Variants in EML1 observed in about 807,000 individuals in gnomAD.
EML1 encodes EMAP like 1.
Under a neutral mutation model 110.4 loss-of-function variants are expected in EML1, and 27 were observed. The observed-to-expected ratio is 0.24, with a 90% confidence interval of 0.18 to 0.34. EML1 has a LOEUF of 0.34. Ranked by LOEUF, EML1 falls within the 10% of genes least tolerant of loss-of-function variation. The pLI is 1.00. For synonymous variants in EML1, 344 were observed against 385.8 expected (o/e 0.89, Z 1.27); for missense variants, 741 against 1,030.9 (o/e 0.72, Z 3.85).
At chr14:99,848,875 A>T (rs2139823724) in intron 1 of EML1, among the ~76,000 whole-genome samples, 1 of 152,044 alleles carries the variant, frequency 6.6e-6, no homozygotes, top group South Asian at 2.1e-4. Context: ...AGGTGGGAGG[A>T]TCACTTGAGC....
intron 1 of EML1, among the ~76,000 whole-genome samples, chr14:99,776,450 G>T (rs1345868784): frequency 6.6e-6 from 1 of 151,704 alleles, no homozygotes. Flanking sequence ...GTTGCAGTGA[G>T]CTGAGATCGC....
At chr14:99,938,311 T>C (rs891995982) in intron 20 of EML1, among the ~76,000 whole-genome samples, 1 of 152,252 alleles carries the variant, frequency 6.6e-6, no homozygotes, top group African/African-American at 2.4e-5. Context: ...ACATTCACTT[T>C]AGGAATATTT....
intron 1 of EML1, among the ~76,000 whole-genome samples, chr14:99,832,705 A>G (rs765341876): frequency 1.3e-5 from 2 of 152,100 alleles, no homozygotes; most frequent in Non-Finnish European, 2.9e-5. Context: ...TTCGTTTTAA[A>G]ATTGGGTTAT....
In EML1 at chr14:99,827,666, G is replaced by A. The variant is rs888404619; in HGVS notation, c.68-23187G>A. ...GGAGATAAGACTTAGACACATAGAG[G>A]GGGCAACCACCTGAAAGGGAGAAGA... On this transcript the variant is annotated intron_variant, in intron 1 of 21. Coordinates refer to ENST00000262233, the MANE Select transcript of EML1 (RefSeq NM_004434.3). This position sits in a 1 kb window ranked among gnomAD's most constrained non-coding sequence, Gnocchi z 4.4. 1.3e-5 allele frequency among the ~76,000 whole-genome samples: 2 copies of A among 151,698 alleles called. No homozygotes were observed. Among genetic ancestry groups the A allele is most frequent in the African/African-American group, 4.8e-5 (2 of 41,270 alleles).
At chr14:99,918,244 T>C (rs1299670712) in intron 16 of EML1, among the ~76,000 whole-genome samples, 2 of 152,316 alleles carry the variant, frequency 1.3e-5, no homozygotes, top group East Asian at 3.9e-4. Context: ...ACTACAGGCA[T>C]GCACTGCCAT....
At chr14:99,933,421 C>G (rs2060409661) in intron 17 of EML1, among the ~76,000 whole-genome samples, 1 of 152,168 alleles carries the variant, frequency 6.6e-6, no homozygotes, top group Non-Finnish European at 1.5e-5. Flanking sequence ...GGTGATCTGC[C>G]CACCTCAGCC....
intron 1 of EML1, among the ~76,000 whole-genome samples, chr14:99,739,119 A>AGTGTGT (rs71113220): frequency 1.7e-3 from 227 of 134,980 alleles, no homozygotes; most frequent in African/African-American, 5.1e-3. Flanking sequence ...AGAGAGAGAG[A>AGTGTGT]GTGTGTGTGT....
rs569735427 is a variant in EML1 at position 99,907,934 on chromosome 14, C to T, written c.1104+201C>T. ...GTCCTGTTAGGGTTTTTTCTCTTTT[C>T]GCCATGTCTGTAAGATTGTTTTCTT... On this transcript the variant is annotated intron_variant, in intron 10 of 21. Coordinates refer to ENST00000262233, the MANE Select transcript of EML1 (RefSeq NM_004434.3). Among the ~76,000 whole-genome samples, 24 of 152,354 alleles carry T rather than the reference C, an allele frequency of 1.6e-4. 1 individual carries two copies. In the East Asian group the frequency reaches 2.9e-3, roughly 18 times the overall value.
At chr14:99,897,694 G>T (rs2059694796) in intron 7 of EML1, among the ~76,000 whole-genome samples, 1 of 152,122 alleles carries the variant, frequency 6.6e-6, no homozygotes, top group Non-Finnish European at 1.5e-5. Context: ...TGTATTAAAG[G>T]CTTCTAATTT....
intron 1 of EML1, among the ~76,000 whole-genome samples, chr14:99,760,497 C>A (rs2057303737): frequency 6.6e-6 from 1 of 152,172 alleles, no homozygotes; most frequent in South Asian, 2.1e-4. Context: ...GATTACTGTG[C>A]AGGGTGTTTA....
chr14:99,793,091 G>C (rs904576196), upstream of EML1, among the ~76,000 whole-genome samples: 14 of 150,992 alleles, frequency 9.3e-5, no homozygotes, highest in Non-Finnish European at 2.1e-4. Context: ...CAGCCCCTGA[G>C]CCCCCGTGCG....
At chr14:99,903,650 C>G (rs2059795623) in intron 9 of EML1, among the ~76,000 whole-genome samples, 1 of 152,112 alleles carries the variant, frequency 6.6e-6, no homozygotes, top group Non-Finnish European at 1.5e-5. Context: ...ACAAATACAG[C>G]CCAAAGAAAG....
At chr14:99,887,378 G>C (rs538348882) in intron 4 of EML1, among the ~76,000 whole-genome samples, 127 of 152,228 alleles carry the variant, frequency 8.3e-4, no homozygotes, top group Admixed American at 1.7e-3. Context: ...TCACCGGGGG[G>C]GCAAATCCTT....
intron 1 of EML1, among the ~76,000 whole-genome samples, chr14:99,847,404 G>A (rs985456294): frequency 2.0e-5 from 3 of 152,134 alleles, no homozygotes; most frequent in South Asian, 4.1e-4. Context: ...AGGCTGGAGT[G>A]CAGTGGCGTG....
intron 1 of EML1, among the ~76,000 whole-genome samples, chr14:99,808,096 G>T (rs577440221): frequency 6.6e-6 from 1 of 152,062 alleles, no homozygotes; most frequent in African/African-American, 2.4e-5. Flanking sequence ...TTTCCTCTGC[G>T]TTTCTGAATT....
intron 4 of EML1, among the ~76,000 whole-genome samples, chr14:99,887,297 C>T (rs182510392): frequency 2.6e-5 from 4 of 152,334 alleles, no homozygotes; most frequent in African/African-American, 9.6e-5. Flanking sequence ...GCAATAAGAA[C>T]TGTGCTGGAG....
chr14:99,862,458 G>A (rs186411505), intron 2 of EML1, among the ~76,000 whole-genome samples: 1 of 152,202 alleles, frequency 6.6e-6, no homozygotes, highest in African/African-American at 2.4e-5. Context: ...TTGAGGGTGG[G>A]GTAGCCACAT....
In EML1 at chr14:99,785,997, T is replaced by C. The variant is rs150254864; in HGVS notation, c.-27+11984T>C. 6.5e-3 allele frequency among the ~76,000 whole-genome samples: 963 copies of C among 147,370 alleles called. 11 individuals are homozygous for C. The highest frequency in any genetic ancestry group is 0.023 in the South Asian group (105 of 4,654). On this transcript the variant is annotated intron_variant, in intron 1 of 22. Coordinates refer to the EML1 transcript ENST00000327921. Reference sequence around the variant, plus strand: ...GAAGGAGACATTGAAGGGTGCATTATGGCACATTCACGGCTAGTTCACGGA... The same window carrying C: ...GAAGGAGACATTGAAGGGTGCATTACGGCACATTCACGGCTAGTTCACGGA...
chr14:99,750,285 C>T (rs1595235069), intron 1 of EML1, among the ~76,000 whole-genome samples: 1 of 152,252 alleles, frequency 6.6e-6, no homozygotes, highest in Non-Finnish European at 1.5e-5. Context: ...GTTGAGTCTG[C>T]AGTCTGGGAA....
Sources: allele counts gnomAD v4.1 joint callset (sites outside exome capture counted in the v4.1 genomes callset), GRCh38; gene constraint gnomAD v4.1.1; non-coding constraint Gnocchi (gnomAD v3.1); transcripts MANE v1.5; gene names NCBI Gene and HGNC (gene_info 2026-07-23, HGNC 2026-07-21).